The following PCDH7 variants were observed in gnomAD, a reference collection of about 807,000 sequenced individuals.
PCDH7 encodes protocadherin 7, also known as protocadherin-7.
PCDH7 carries 17 observed loss-of-function variants against 58.9 expected under a neutral mutation model. The ratio of observed to expected loss-of-function variants is 0.29; its 90% CI spans 0.20 to 0.43. The LOEUF is 0.43. Among genes scored for constraint, PCDH7 ranks in the 20% least tolerant of loss-of-function variants. The pLI, the probability that PCDH7 is intolerant of heterozygous loss-of-function variation, is 1.00. For synonymous variants in PCDH7, 664 were observed against 616.4 expected (o/e 1.08, Z -1.14); for missense variants, 1,274 against 1,441.0 (o/e 0.88, Z 1.88).
chr4:31,067,804 G>A (rs1758216639), intron 3 of PCDH7, among the ~76,000 whole-genome samples: 1 of 151,932 alleles, frequency 6.6e-6, no homozygotes, highest in South Asian at 2.1e-4. Context: ...TTCATTCTAA[G>A]ATATCATAGA....
At chr4:30,930,382 T>G (rs2109425279) in intron 2 of PCDH7, among the ~76,000 whole-genome samples, 1 of 152,312 alleles carries the variant, frequency 6.6e-6, no homozygotes, top group South Asian at 2.1e-4. Context: ...TATCCTGTAC[T>G]TAAGGTATCT....
intron 3 of PCDH7, among the ~76,000 whole-genome samples, chr4:31,054,283 T>A (rs1756975830): frequency 6.6e-6 from 1 of 152,110 alleles, no homozygotes; most frequent in South Asian, 2.1e-4. Context: ...CAACTTTTGA[T>A]CCCACAATCC....
chr4:30,972,910 T>C (rs1350145172), intron 3 of PCDH7, among the ~76,000 whole-genome samples: 2 of 152,202 alleles, frequency 1.3e-5, no homozygotes, highest in Admixed American at 6.5e-5. Flanking sequence ...TTGTGTTTGG[T>C]TCTTTCTAGT....
At chr4:30,753,928 GA>G (rs1162078893) in intron 1 of PCDH7, among the ~76,000 whole-genome samples, 1 of 152,062 alleles carries the variant, frequency 6.6e-6, no homozygotes, top group Non-Finnish European at 1.5e-5. Flanking sequence ...TGAATATTAT[GA>G]AATTTACCAA....
intron 1 of PCDH7, among the ~76,000 whole-genome samples, chr4:30,765,215 A>C (rs1462771749): frequency 6.9e-6 from 1 of 145,426 alleles, no homozygotes; most frequent in African/African-American, 2.5e-5. Flanking sequence ...TTGTTCCTGA[A>C]AACGACCTCG....
chr4:31,014,629 A>G (rs1298601092), intron 3 of PCDH7, among the ~76,000 whole-genome samples: 1 of 152,252 alleles, frequency 6.6e-6, no homozygotes, highest in Non-Finnish European at 1.5e-5. Context: ...TGTTTAAAAT[A>G]TTAAATGAGA....
At chr4:30,936,409 A>G (rs1003874546) in intron 2 of PCDH7, among the ~76,000 whole-genome samples, 3 of 152,130 alleles carry the variant, frequency 2.0e-5, no homozygotes, top group Admixed American at 2.0e-4. Flanking sequence ...GCTTATGAAA[A>G]CCTATTGTAG....
chr4:31,084,905 G>C (rs1188098210), intron 3 of PCDH7, among the ~76,000 whole-genome samples: 1 of 152,050 alleles, frequency 6.6e-6, no homozygotes, highest in African/African-American at 2.4e-5. Flanking sequence ...CGTTCATGAA[G>C]GATCTGCCCC....
At chr4:31,032,947 G>A (rs1755086173) in intron 3 of PCDH7, among the ~76,000 whole-genome samples, 5 of 151,952 alleles carry the variant, frequency 3.3e-5, no homozygotes, top group Non-Finnish European at 5.9e-5. Context: ...GCCTTTTTTG[G>A]TAATTATTCA....
rs1282036083 is a variant in PCDH7 at position 30,722,232 on chromosome 4, G to A, written c.810G>A (p.Gln270=). 1 of 1,593,202 alleles carries A rather than the reference G, an allele frequency of 6.3e-7. No individual in the cohort carries two copies. The highest frequency in any genetic ancestry group is 8.5e-7 in the Non-Finnish European group (1 of 1,170,820). ...TGAAGGGGGCGCTGGACCGCGAGCA[G>A]CGCGACTCCTACGAGCTGACCCTGC... The change falls in exon 1 of 2, where the codon CAG becomes CAA. Residue 270 remains glutamine, a synonymous_variant. Transcript: ENST00000361762. The surrounding 1 kb of genome is among the most constrained non-coding windows in gnomAD (Gnocchi z 7.6).
At chr4:30,858,186 T>C (rs1733734634) in intron 1 of PCDH7, among the ~76,000 whole-genome samples, 1 of 152,160 alleles carries the variant, frequency 6.6e-6, no homozygotes, top group South Asian at 2.1e-4. Flanking sequence ...ATACAGACTT[T>C]TGCCAGTCTT....
chr4:30,774,442 T>C (rs1049889373), intron 1 of PCDH7, among the ~76,000 whole-genome samples: 3 of 152,180 alleles, frequency 2.0e-5, no homozygotes, highest in African/African-American at 7.2e-5. Flanking sequence ...TATAAAGTGT[T>C]TATTACAGAA....
At chr4:30,975,779 A>G (rs6822671) in intron 3 of PCDH7, among the ~76,000 whole-genome samples, 62,803 of 152,034 alleles carry the variant, frequency 0.41, 15,839 homozygotes, top group African/African-American at 0.72. Flanking sequence ...CTTACTCTCT[A>G]TGAATGTTTA....
intron 3 of PCDH7, among the ~76,000 whole-genome samples, chr4:31,003,821 C>G (rs141256211): frequency 6.6e-6 from 1 of 151,694 alleles, no homozygotes; most frequent in African/African-American, 2.4e-5. Flanking sequence ...GGCAGGAGAA[C>G]GGCATGAACC....
At chr4:30,976,378 A>T (rs1039897210) in intron 3 of PCDH7, among the ~76,000 whole-genome samples, 1 of 145,788 alleles carries the variant, frequency 6.9e-6, no homozygotes, top group Non-Finnish European at 1.5e-5. Context: ...GGCATGAGCC[A>T]CCACGCCGGG....
chr4:30,746,558 T>C (rs1231176796), intron 1 of PCDH7, among the ~76,000 whole-genome samples: 1 of 152,224 alleles, frequency 6.6e-6, no homozygotes, highest in Non-Finnish European at 1.5e-5. Context: ...TTTTGGTGGC[T>C]ATTCCTGAAA....
chr4:30,979,687 C>T (rs925858915), intron 3 of PCDH7, among the ~76,000 whole-genome samples: 4 of 151,738 alleles, frequency 2.6e-5, no homozygotes, highest in Non-Finnish European at 4.4e-5. Flanking sequence ...TGTTACTTAT[C>T]GTTTCACTTA....
chr4:30,929,693 T>C (rs539696813), intron 2 of PCDH7, among the ~76,000 whole-genome samples: 2 of 152,202 alleles, frequency 1.3e-5, no homozygotes, highest in Non-Finnish European at 2.9e-5. Flanking sequence ...CTTGAAAATA[T>C]ATCTCCCATG....
intron 3 of PCDH7, among the ~76,000 whole-genome samples, chr4:31,081,605 G>A (rs116251183): frequency 0.01 from 1,552 of 152,110 alleles, 24 homozygotes; most frequent in African/African-American, 0.036. Flanking sequence ...TCCTTTACAT[G>A]AGTTTTGGCC....
Sources: gnomAD v4.1 joint callset for allele counts (sites outside exome capture counted in the v4.1 genomes callset) on GRCh38, gnomAD v4.1.1 for gene constraint, Gnocchi (gnomAD v3.1) non-coding constraint, MANE v1.5 for transcripts, NCBI Gene and HGNC (gene_info 2026-07-23, HGNC 2026-07-21) for gene names.